The following BNIP5 variants were observed in gnomAD, a reference collection of about 807,000 sequenced individuals.
The protein encoded by BNIP5 is protein BNIP5.
BNIP5 carries 61 observed loss-of-function variants against 67.3 expected under a neutral mutation model. The observed-to-expected ratio is 0.91, with a 90% CI of 0.74 to 1.12. BNIP5 has a LOEUF of 1.12. Among genes scored for constraint, BNIP5 ranks in the 50% most tolerant of loss-of-function variants. The probability of loss-of-function intolerance (pLI) is 0.00; values close to 1 mark genes in which losing one functional copy is unlikely to be tolerated. For synonymous variants in BNIP5, 317 were observed against 319.0 expected (o/e 0.99, Z 0.07); for missense variants, 826 against 816.3 (o/e 1.01, Z -0.14).
At chr6:36,335,425 C>T (rs957663356) in intron 1 of BNIP5, among the ~76,000 whole-genome samples, 2 of 152,200 alleles carry the variant, frequency 1.3e-5, no homozygotes, top group African/African-American at 2.4e-5. Context: ...CAGACATCCA[C>T]GTGTCACCAG....
chr6:36,331,693 A>C (rs1475691589), intron 1 of BNIP5, among the ~76,000 whole-genome samples: 1 of 152,172 alleles, frequency 6.6e-6, no homozygotes, highest in Non-Finnish European at 1.5e-5. Context: ...TAAAAAATAA[A>C]TAATTTTATT....
chr6:36,324,627 ATATATATATATATATATATAT>A (rs1771720631), intron 6 of BNIP5, among the ~76,000 whole-genome samples: 1 of 40,886 alleles, frequency 2.4e-5, no homozygotes, highest in Admixed American at 2.6e-4. Context: ...ATATATATAT[ATATATATATATATATATATAT>A]GTTTCTAGGC....
chr6:36,322,185 C>T, intron 9 of BNIP5, 126 bp downstream of exon 9: 2 of 1,235,714 alleles, frequency 1.6e-6, no homozygotes, highest in South Asian at 2.5e-5. Flanking sequence ...CCTAGAGTCT[C>T]CTGGGGTCTT....
chr6:36,322,268 G>A, intron 9 of BNIP5, 43 bp downstream of exon 9: 1 of 1,611,656 alleles, frequency 6.2e-7, no homozygotes, highest in South Asian at 1.1e-5. Context: ...TGGAAGAGAA[G>A]CACCCGGGAA....
intron 1 of BNIP5, among the ~76,000 whole-genome samples, chr6:36,331,113 G>A (rs1031208285): frequency 6.6e-6 from 1 of 152,186 alleles, no homozygotes; most frequent in African/African-American, 2.4e-5. Flanking sequence ...GTTGGCTCCT[G>A]GTGCTGACCA....
chr6:36,336,335 G>A (rs2127373847), intron 1 of BNIP5, among the ~76,000 whole-genome samples: 1 of 152,226 alleles, frequency 6.6e-6, no homozygotes, highest in South Asian at 2.1e-4. Flanking sequence ...AGGGAAACTA[G>A]CAGGTGAGCT....
At chr6:36,320,091 A>T (rs796800271) in intron 10 of BNIP5, among the ~76,000 whole-genome samples, 4 of 152,318 alleles carry the variant, frequency 2.6e-5, no homozygotes, top group African/African-American at 9.6e-5. Context: ...AATGTTTAGT[A>T]CAGGAATGTT....
chr6:36,332,500 C>A (rs971150752), intron 1 of BNIP5, among the ~76,000 whole-genome samples: 1 of 152,144 alleles, frequency 6.6e-6, no homozygotes, highest in Non-Finnish European at 1.5e-5. Context: ...AGAACAATGT[C>A]TAGCATATCA....
intron 2 of BNIP5, among the ~76,000 whole-genome samples, chr6:36,329,353 C>T (rs557324552): frequency 6.6e-6 from 1 of 152,326 alleles, no homozygotes; most frequent in South Asian, 2.1e-4. Flanking sequence ...GGGCTGTGGC[C>T]ACTCCATGAG....
Position 36,325,430 on chromosome 6 carries a change from A to AGAAC in BNIP5, c.1037-20_1037-17dup, listed in dbSNP as rs1771740201. 1 of 1,602,814 alleles carries AGAAC rather than the reference A, an allele frequency of 6.2e-7. No individual in the cohort carries two copies. Among genetic ancestry groups the AGAAC allele is most frequent in the Admixed American group, 1.7e-5 (1 of 57,518 alleles). The stretch of plus-strand genomic sequence containing the variant: ...TCTTCCAAGCCTGAGAAGCAGAAGG[A>AGAAC]GAACGAGGGTGTGTTTTGTCTGTCT... On this transcript the variant is annotated splice_polypyrimidine_tract_variant and intron_variant, in intron 5 of 11. Transcript: ENST00000437635.
chr6:36,330,512 T>C lies in BNIP5; in HGVS notation c.179A>G (p.Asp60Gly), dbSNP rs1771873524. The change falls in exon 2 of 12, where the codon GAC becomes GGC. Residue 60 changes from aspartate (D) to glycine (G), a missense_variant. Physicochemically the swap from Asp to Gly is moderately conservative, Grantham distance 94. Coordinates refer to ENST00000437635, the MANE Select transcript of BNIP5 (RefSeq NM_001010903.5). ...WTTSDWARHS[D>G]SPAPSAEAHC... Reference sequence around the variant, plus strand: ...AGCCTCTGCAGATGGAGCTGGGCTGTCTGAATGTCTGGCCCAATCACTGGT... The same window carrying C: ...AGCCTCTGCAGATGGAGCTGGGCTGCCTGAATGTCTGGCCCAATCACTGGT... 6.2e-7 allele frequency: 1 copy of C among 1,614,058 alleles called. No homozygotes were observed. Among genetic ancestry groups the C allele is most frequent in the Non-Finnish European group, 8.5e-7 (1 of 1,180,002 alleles).
chr6:36,332,701 C>CAA (rs372834920), intron 1 of BNIP5, among the ~76,000 whole-genome samples: 1 of 147,470 alleles, frequency 6.8e-6, no homozygotes, highest in African/African-American at 2.5e-5. Flanking sequence ...TGAAAAATGA[C>CAA]AAAAAAAAAA....
intron 1 of BNIP5, among the ~76,000 whole-genome samples, chr6:36,333,995 C>A (rs776172691): frequency 6.6e-6 from 1 of 152,214 alleles, no homozygotes; most frequent in Non-Finnish European, 1.5e-5. Context: ...CACGGAGGAC[C>A]GGCGCTTCCT....
intron 1 of BNIP5, among the ~76,000 whole-genome samples, chr6:36,335,072 G>A (rs1468977925): frequency 3.3e-5 from 5 of 152,174 alleles, no homozygotes; most frequent in Admixed American, 6.5e-5. Context: ...GACATTTACC[G>A]GTGACATGTC....
intron 1 of BNIP5, among the ~76,000 whole-genome samples, chr6:36,335,798 A>G (rs955580624): frequency 6.6e-6 from 1 of 152,224 alleles, no homozygotes; most frequent in African/African-American, 2.4e-5. Flanking sequence ...ATAGCCGGGA[A>G]GCAGAGAGCT....
chr6:36,325,085 C>T (rs1771731083), intron 6 of BNIP5, among the ~76,000 whole-genome samples, 198 bp downstream of exon 6: 2 of 152,194 alleles, frequency 1.3e-5, no homozygotes, highest in African/African-American at 2.4e-5. Flanking sequence ...CCAACACTAT[C>T]GCCATTTATC....
chr6:36,331,276 A>G (rs1771900779), intron 1 of BNIP5, among the ~76,000 whole-genome samples: 1 of 152,246 alleles, frequency 6.6e-6, no homozygotes, highest in African/African-American at 2.4e-5. Context: ...GATTGTGCTC[A>G]GATCTCAGGG....
At chr6:36,334,780 T>A (rs951313753) in intron 1 of BNIP5, among the ~76,000 whole-genome samples, 9 of 152,316 alleles carry the variant, frequency 5.9e-5, no homozygotes, top group Admixed American at 4.6e-4. Context: ...CTATCCAGGA[T>A]TTATCAAAGC....
chr6:36,318,659 G>C (rs1364925039), intron 11 of BNIP5, among the ~76,000 whole-genome samples: 1 of 152,086 alleles, frequency 6.6e-6, no homozygotes, highest in African/African-American at 2.4e-5. Flanking sequence ...GAAGGTTGAG[G>C]CTGCAGTGAA....
Sources: allele counts gnomAD v4.1 joint callset (sites outside exome capture counted in the v4.1 genomes callset), GRCh38; gene constraint gnomAD v4.1.1; transcripts MANE v1.5; gene names NCBI Gene and HGNC (gene_info 2026-07-23, HGNC 2026-07-21).